Variants in GPC5 observed in about 807,000 individuals in gnomAD.
GPC5 encodes the protein glypican 5, also known as glypican-5.
A neutral mutation model predicts 53.9 loss-of-function variants in GPC5; 47 were observed. The ratio of observed to expected loss-of-function variants is 0.87; its 90% confidence interval spans 0.69 to 1.11. The LOEUF (loss-of-function observed/expected upper bound fraction) is 1.11. Ranked by LOEUF, GPC5 falls within the 50% of genes most tolerant of loss-of-function variation. The pLI, the probability that GPC5 is intolerant of heterozygous loss-of-function variation, is 0.00. For synonymous variants in GPC5, 286 were observed against 263.3 expected, an observed-to-expected ratio of 1.09 and a Z score of -0.84; for missense variants, 748 against 713.1, an observed-to-expected ratio of 1.05 and a Z score of -0.56.
At chr13:92,102,009 T>G (rs1429866714) in intron 6 of GPC5, among the ~76,000 whole-genome samples, 1 of 152,194 alleles carries the variant, frequency 6.6e-6, no homozygotes, top group Non-Finnish European at 1.5e-5. Flanking sequence ...ATTTGCAAGC[T>G]GAGTATTAAG....
At chr13:91,920,924 C>T (rs1191330232) in intron 6 of GPC5, among the ~76,000 whole-genome samples, 5 of 59,594 alleles carry the variant, frequency 8.4e-5, no homozygotes, top group Admixed American at 1.9e-4. Flanking sequence ...CTCTCTCTCT[C>T]TCTTTTTTTT....
intron 7 of GPC5, among the ~76,000 whole-genome samples, chr13:92,363,205 A>C (rs1305961320): frequency 6.6e-6 from 1 of 151,662 alleles, no homozygotes; most frequent in African/African-American, 2.4e-5. Context: ...CAATTCCCAC[A>C]GGGCTAGGAA....
At chr13:91,739,720 G>A (rs764403025) in intron 4 of GPC5, among the ~76,000 whole-genome samples, 1 of 151,376 alleles carries the variant, frequency 6.6e-6, no homozygotes, top group Non-Finnish European at 1.5e-5. Flanking sequence ...AGAGAGCAAG[G>A]CAGAGGCTGC....
At chr13:91,760,293 A>G (rs2037382411) in intron 5 of GPC5, among the ~76,000 whole-genome samples, 1 of 152,150 alleles carries the variant, frequency 6.6e-6, no homozygotes, top group South Asian at 2.1e-4. Context: ...TCAAGTCCTG[A>G]TCACTGTTAC....
chr13:92,168,628 C>G lies in GPC5; in HGVS notation c.1561+23639C>G, dbSNP rs144742921. On this transcript the variant is annotated intron_variant, in intron 7 of 7. Coordinates refer to ENST00000377067, the MANE Select transcript of GPC5 (RefSeq NM_004466.6). ...AGAGAAATCCAAATCAAAACCACAA[C>G]GAGATACCATCTCACACCAGTCAGA... Among the ~76,000 whole-genome samples, 4 of 152,148 alleles carry G rather than the reference C, an allele frequency of 2.6e-5. No individual in the cohort carries two copies. In the East Asian group the frequency reaches 7.7e-4, roughly 29 times the overall value.
At chr13:92,372,518 T>C (rs1004845538) in intron 7 of GPC5, among the ~76,000 whole-genome samples, 1 of 152,190 alleles carries the variant, frequency 6.6e-6, no homozygotes, top group Non-Finnish European at 1.5e-5. Context: ...GTCAAACTAC[T>C]GCTTGTTGTG....
At chr13:92,492,859 AG>A (rs1474715842) in intron 7 of GPC5, among the ~76,000 whole-genome samples, 1 of 152,176 alleles carries the variant, frequency 6.6e-6, no homozygotes, top group Non-Finnish European at 1.5e-5. Flanking sequence ...TGTATCCACT[AG>A]TGACTGTCTC....
chr13:91,807,725 C>T (rs2038244454), intron 5 of GPC5, among the ~76,000 whole-genome samples: 1 of 151,984 alleles, frequency 6.6e-6, no homozygotes, highest in Non-Finnish European at 1.5e-5. Flanking sequence ...GAATTGATCG[C>T]CTAAACAAAA....
chr13:91,458,475 A>G (rs1297508083), intron 2 of GPC5, among the ~76,000 whole-genome samples: 2 of 152,174 alleles, frequency 1.3e-5, no homozygotes, highest in African/African-American at 4.8e-5. Flanking sequence ...CAATGTAGAT[A>G]TACAAATGAT....
At chr13:92,428,995 T>G (rs527580745) in intron 7 of GPC5, among the ~76,000 whole-genome samples, 4 of 152,194 alleles carry the variant, frequency 2.6e-5, no homozygotes, top group African/African-American at 7.2e-5. Context: ...GAGTATTGGC[T>G]AGCTTTGGGG....
intron 7 of GPC5, among the ~76,000 whole-genome samples, chr13:92,748,599 G>A (rs1441399965): frequency 6.6e-6 from 1 of 151,968 alleles, no homozygotes. Flanking sequence ...GGGATTACAG[G>A]TGTGAGCCAC....
At chr13:92,136,035 G>A (rs1312621101) in intron 6 of GPC5, among the ~76,000 whole-genome samples, 2 of 152,164 alleles carry the variant, frequency 1.3e-5, no homozygotes, top group African/African-American at 4.8e-5. Context: ...CATGCTAATG[G>A]AAGAGGTGAG....
intron 6 of GPC5, among the ~76,000 whole-genome samples, chr13:92,107,948 A>C (rs139077683): frequency 0.013 from 1,959 of 152,246 alleles, 12 homozygotes; most frequent in African/African-American, 0.02. Context: ...AATTTGTCCA[A>C]ATTGCTCTTT....
intron 7 of GPC5, among the ~76,000 whole-genome samples, chr13:92,844,595 C>T (rs928785734): frequency 2.0e-5 from 3 of 151,810 alleles, no homozygotes; most frequent in Non-Finnish European, 4.4e-5. Flanking sequence ...TACACAAATG[C>T]TTATGTTCTC....
Position 91,959,209 on chromosome 13 carries a change from T to C in GPC5, c.1401+51152T>C, listed in dbSNP as rs73612930. 5.1e-3 allele frequency among the ~76,000 whole-genome samples: 773 copies of C among 150,830 alleles called. 8 individuals carry two copies. The highest frequency in any genetic ancestry group is 0.018 in the African/African-American group (724 of 41,138). Reference sequence around the variant, plus strand: ...AGACACAAATAAACAAAATCAAAAATGAAATGGGAAACACTTCAGCTGATA... The same window carrying C: ...AGACACAAATAAACAAAATCAAAAACGAAATGGGAAACACTTCAGCTGATA... On this transcript the variant is annotated intron_variant, in intron 6 of 7. Coordinates refer to ENST00000377067, the MANE Select transcript of GPC5 (RefSeq NM_004466.6).
At chr13:91,989,605 G>A (rs925149783) in intron 6 of GPC5, among the ~76,000 whole-genome samples, 5 of 152,056 alleles carry the variant, frequency 3.3e-5, no homozygotes, top group Admixed American at 6.6e-5. Context: ...ACTGTTATAC[G>A]ATAGGTACTA....
At chr13:92,393,722 T>C (rs1205829894) in intron 7 of GPC5, among the ~76,000 whole-genome samples, 1 of 150,654 alleles carries the variant, frequency 6.6e-6, no homozygotes, top group African/African-American at 2.4e-5. Flanking sequence ...TGAGGGAGAG[T>C]GGAAGGAGGG....
intron 7 of GPC5, among the ~76,000 whole-genome samples, chr13:92,843,448 C>CAACA (rs1878499358): frequency 6.6e-6 from 1 of 152,092 alleles, no homozygotes; most frequent in Non-Finnish European, 1.5e-5. Context: ...GCAAAAGAAA[C>CAACA]AACAAACACT....
intron 7 of GPC5, among the ~76,000 whole-genome samples, chr13:92,711,351 C>T (rs568691505): frequency 8.5e-5 from 13 of 152,260 alleles, no homozygotes; most frequent in African/African-American, 3.1e-4. Flanking sequence ...TGTACACTGT[C>T]ATGGCTGGTT....
Sources: allele counts gnomAD v4.1 joint callset (sites outside exome capture counted in the v4.1 genomes callset), GRCh38; gene constraint gnomAD v4.1.1; transcripts MANE v1.5; gene names NCBI Gene and HGNC (gene_info 2026-07-23, HGNC 2026-07-21).